The following ZFHX3 variants were observed in gnomAD, a reference collection of about 807,000 sequenced individuals.
ZFHX3 encodes the protein zinc finger homeobox 3, also known as zinc finger homeobox protein 3.
In ZFHX3, 42 loss-of-function variants were observed where a neutral mutation model predicts 279.1. The observed-to-expected ratio is 0.15, with a 90% CI of 0.12 to 0.19. The LOEUF (loss-of-function observed/expected upper bound fraction) is 0.19. Among genes scored for constraint, ZFHX3 ranks in the 10% least tolerant of loss-of-function variants. The pLI, the probability that ZFHX3 is intolerant of heterozygous loss-of-function variation, is 1.00. For missense variants in ZFHX3, 4,981 were observed against 4,754.0 expected, an observed-to-expected ratio of 1.05 and a Z score of -1.40; for synonymous variants, 2,293 against 1,957.8, an observed-to-expected ratio of 1.17 and a Z score of -4.52.
chr16:72,827,584 C>T (rs991659902), intron 5 of ZFHX3, among the ~76,000 whole-genome samples: 13 of 152,294 alleles, frequency 8.5e-5, no homozygotes, highest in African/African-American at 2.6e-4. Flanking sequence ...GCTCACCTGG[C>T]GATCTGTTTA....
At chr16:73,250,993 G>T (rs1203941914) in intron 5 of ZFHX3, among the ~76,000 whole-genome samples, 1 of 152,082 alleles carries the variant, frequency 6.6e-6, no homozygotes, top group African/African-American at 2.4e-5. Context: ...TCTGAGTCAT[G>T]TGTACCATTA....
intron 5 of ZFHX3, among the ~76,000 whole-genome samples, chr16:73,205,900 C>G (rs1455883375): frequency 6.6e-6 from 1 of 152,154 alleles, no homozygotes; most frequent in Admixed American, 6.5e-5. Context: ...TACCATCACT[C>G]TAACATGATT....
intron 4 of ZFHX3, among the ~76,000 whole-genome samples, chr16:72,873,684 C>T (rs1267418720): frequency 6.6e-6 from 1 of 152,100 alleles, no homozygotes; most frequent in African/African-American, 2.4e-5. Flanking sequence ...TGTCAAAAAT[C>T]TTGAAAACAG....
intron 4 of ZFHX3, among the ~76,000 whole-genome samples, chr16:73,267,941 C>T (rs1037331773): frequency 1.3e-5 from 2 of 152,042 alleles, no homozygotes; most frequent in Non-Finnish European, 2.9e-5. Flanking sequence ...CCCTCATCAC[C>T]GCCTCTCAGT....
chr16:73,389,832 G>A (rs1054491146), intron 3 of ZFHX3, among the ~76,000 whole-genome samples: 3 of 152,220 alleles, frequency 2.0e-5, no homozygotes, highest in Admixed American at 6.5e-5. Flanking sequence ...GGCAGAGGCG[G>A]GTGGATCACT....
intron 1 of ZFHX3, among the ~76,000 whole-genome samples, chr16:73,024,203 G>C (rs961577583): frequency 3.3e-5 from 5 of 152,170 alleles, no homozygotes; most frequent in South Asian, 2.1e-4. Flanking sequence ...AATAGCTGGA[G>C]TGTTTTGGCA....
chr16:73,841,865 C>T lies in ZFHX3; in HGVS notation c.-1608+49786G>A, dbSNP rs191979147. ...AAAATACACTTTCTTTGCACATGAGCGCATAGTCTGTACATGTGCAACCCA... is the reference window on the plus strand; with the variant it reads ...AAAATACACTTTCTTTGCACATGAGTGCATAGTCTGTACATGTGCAACCCA... On this transcript the variant is annotated intron_variant, in intron 1 of 17. Transcript: ENST00000641206. Among the ~76,000 whole-genome samples the T allele has an allele frequency of 1.1e-3, 163 of 152,208 alleles. 1 individual carries two copies. Among genetic ancestry groups the T allele is most frequent in the African/African-American group, 2.2e-3 (91 of 41,542 alleles).
intron 8 of ZFHX3, among the ~76,000 whole-genome samples, chr16:73,084,925 C>G (rs1293604809): frequency 1.3e-5 from 2 of 152,068 alleles, no homozygotes; most frequent in Non-Finnish European, 2.9e-5. Context: ...CAAAGATAGC[C>G]CATGCTCATG....
At chr16:73,393,740 C>T (rs1374597891) in intron 3 of ZFHX3, among the ~76,000 whole-genome samples, 2 of 151,866 alleles carry the variant, frequency 1.3e-5, no homozygotes, top group Admixed American at 6.6e-5. Flanking sequence ...TTGGGAGTCA[C>T]CATAGTATCC....
intron 1 of ZFHX3, among the ~76,000 whole-genome samples, chr16:73,682,676 A>G (rs1350060280): frequency 6.6e-6 from 1 of 151,592 alleles, no homozygotes; most frequent in Non-Finnish European, 1.5e-5. Flanking sequence ...AATCCCAGCT[A>G]CTCGGGAGGC....
chr16:73,455,926 C>G (rs1409523158), intron 3 of ZFHX3: 1 of 151,904 alleles, frequency 6.6e-6, no homozygotes, highest in Admixed American at 6.6e-5. Flanking sequence ...TGTCCCTTGA[C>G]AAACCACATT....
chr16:73,072,572 C>G (rs1965837203), intron 8 of ZFHX3, among the ~76,000 whole-genome samples: 2 of 151,826 alleles, frequency 1.3e-5, no homozygotes, highest in Admixed American at 6.6e-5. Context: ...ATTCCTATTT[C>G]TTTGTTTTTA....
In ZFHX3 at chr16:73,255,200, T is replaced by C. The variant is rs889755819; in HGVS notation, c.-1104+1847A>G. On this transcript the variant is annotated intron_variant, in intron 5 of 17. Transcript: ENST00000641206. ...GGCTAGGATCATACCTTTTTATGAG[T>C]CATTGTAAAGTGCCAAGGGCGTTGA... Among the ~76,000 whole-genome samples the C allele has an allele frequency of 4.5e-4, 69 of 152,304 alleles. 1 individual carries two copies. The highest frequency in any genetic ancestry group is 1.6e-3 in the African/African-American group (65 of 41,556).
chr16:73,601,811 A>G (rs2052121354), intron 2 of ZFHX3, among the ~76,000 whole-genome samples: 1 of 152,212 alleles, frequency 6.6e-6, no homozygotes, highest in Non-Finnish European at 1.5e-5. Flanking sequence ...CACGTTACTG[A>G]AATAGATGCT....
intron 3 of ZFHX3, among the ~76,000 whole-genome samples, chr16:72,897,273 T>C (rs2038922733): frequency 6.6e-6 from 1 of 152,138 alleles, no homozygotes; most frequent in African/African-American, 2.4e-5. Context: ...GAGAGGACTA[T>C]GTAATCTCAC....
At chr16:73,671,685 A>G (rs1253900113) in intron 2 of ZFHX3, among the ~76,000 whole-genome samples, 1 of 152,226 alleles carries the variant, frequency 6.6e-6, no homozygotes, top group Non-Finnish European at 1.5e-5. Flanking sequence ...TAAGAAAGCA[A>G]TTGCATGAAA....
At chr16:73,487,490 T>G (rs1335725819) in intron 2 of ZFHX3, 6 of 432,996 alleles carry the variant, frequency 1.4e-5, no homozygotes, top group African/African-American at 6.1e-5. Context: ...AGCCTCAGTC[T>G]CCTGAGCTCA....
chr16:73,810,751 G>C (rs575010795), intron 1 of ZFHX3, among the ~76,000 whole-genome samples: 2 of 152,194 alleles, frequency 1.3e-5, no homozygotes, highest in Admixed American at 6.5e-5. Flanking sequence ...CTGAATTCAA[G>C]TCTAGACTCT....
At chr16:72,860,262 G>A (rs1193763609) in intron 4 of ZFHX3, among the ~76,000 whole-genome samples, 2 of 152,060 alleles carry the variant, frequency 1.3e-5, no homozygotes, top group Non-Finnish European at 1.5e-5. Flanking sequence ...GCAGACACCC[G>A]CTTCCTGTTC....
Sources: allele counts gnomAD v4.1 joint callset (sites outside exome capture counted in the v4.1 genomes callset), GRCh38; gene constraint gnomAD v4.1.1; transcripts MANE v1.5; gene names NCBI Gene and HGNC (gene_info 2026-07-23, HGNC 2026-07-21).